The following KCND3 variants were observed in gnomAD, a reference collection of about 807,000 sequenced individuals.
The protein encoded by KCND3 is potassium voltage-gated channel subfamily D member 3, also known as A-type voltage-gated potassium channel KCND3.
Under a neutral mutation model 51.1 loss-of-function variants are expected in KCND3, and 9 were observed. The observed-to-expected ratio is 0.18, with a 90% CI of 0.11 to 0.31. The LOEUF (loss-of-function observed/expected upper bound fraction) is 0.31, where lower values mean the gene tolerates loss of function less well. KCND3 is among the 10% of genes least tolerant of loss of function. The probability of loss-of-function intolerance (pLI) is 1.00; values close to 1 mark genes in which losing one functional copy is unlikely to be tolerated. For missense variants in KCND3, 526 were observed against 903.8 expected (o/e 0.58, Z 5.36); for synonymous variants, 349 against 368.0 (o/e 0.95, Z 0.59).
rs549287287 is a variant in KCND3, at chr1:111,974,047, C to T, written c.1106+7574G>A. Among the ~76,000 whole-genome samples, 13 of 152,314 alleles carry T rather than the reference C, an allele frequency of 8.5e-5. No individual in the cohort carries two copies. In the South Asian group the frequency reaches 2.7e-3, roughly 32 times the overall value. On this transcript the variant is annotated intron_variant, in intron 2 of 7. Coordinates refer to ENST00000302127, the MANE Select transcript of KCND3 (RefSeq NM_001378969.1). ...GAGCTAAATGCAATCTTCCTCCATC[C>T]AGTCATGGTCAGCAAAGGCTCAGCT...
intron 2 of KCND3, among the ~76,000 whole-genome samples, chr1:111,952,898 C>T (rs959071031): frequency 3.3e-5 from 5 of 152,130 alleles, no homozygotes; most frequent in Non-Finnish European, 7.4e-5. Context: ...GAAGACCTTC[C>T]CCCAAGCCAA....
rs1420807078 is a variant in KCND3 at position 111,777,233 on chromosome 1, C to T, written c.1559G>A (p.Cys520Tyr). The T allele has an allele frequency of 9.9e-6, 16 of 1,614,162 alleles. No individual in the cohort carries two copies. The highest frequency in any genetic ancestry group is 1.3e-5 in the Non-Finnish European group (15 of 1,180,034). The change falls in exon 7 of 8, where the codon TGC (cysteine) becomes TAC (tyrosine). Residue 520 changes from cysteine to tyrosine, a missense_variant. Coordinates refer to ENST00000302127, the MANE Select transcript of KCND3 (RefSeq NM_001378969.1). ...GTAGTTCTGCATTGAACTCTCCATG[C>T]AGTTCTGCTCAAACATCTGCTCATC... ...FIDEQMFEQN[C>Y]MESSMQNYPS...
chr1:111,884,646 T>G (rs1669487287), intron 2 of KCND3, among the ~76,000 whole-genome samples: 1 of 152,188 alleles, frequency 6.6e-6, no homozygotes, highest in Non-Finnish European at 1.5e-5. Context: ...CTGGGGACTC[T>G]CCCCATGAGA....
At chr1:111,784,184 A>G (rs1571632253) in intron 3 of KCND3, among the ~76,000 whole-genome samples, 1 of 151,726 alleles carries the variant, frequency 6.6e-6, no homozygotes, top group East Asian at 1.9e-4. Context: ...TAAGATTGGT[A>G]GGTTGTACAA....
At chr1:111,799,865 G>C (rs1370376797) in intron 2 of KCND3, among the ~76,000 whole-genome samples, 6 of 152,236 alleles carry the variant, frequency 3.9e-5, no homozygotes, top group Admixed American at 3.9e-4. Context: ...ACCAGGAAAG[G>C]AGATGTCATC....
At position 111,982,095 on chromosome 1, in the gene KCND3, G is replaced by A. The variant is rs768580111; in HGVS notation, c.632C>T (p.Pro211Leu). 2 of 1,613,658 alleles carry A rather than the reference G, an allele frequency of 1.2e-6. No individual in the cohort carries two copies. Among genetic ancestry groups the A allele is most frequent in the Non-Finnish European group, 1.7e-6 (2 of 1,179,954 alleles). Residue 211 changes from proline (P) to leucine (L), a missense_variant, in exon 2 of 8, where the codon CCG (proline) becomes CTG (leucine). Transcript: ENST00000302127. This position sits in a 1 kb window ranked among gnomAD's most constrained non-coding sequence, Gnocchi z 8.5. ...VVETVPCGTV[P>L]GSKELPCGER... ...CCCGCACGGCAGCTCCTTGCTGCCCGGGACCGTGCCGCACGGCACCGTCTC... is the reference window on the plus strand; with the variant it reads ...CCCGCACGGCAGCTCCTTGCTGCCCAGGACCGTGCCGCACGGCACCGTCTC...
chr1:111,796,686 G>C, intron 2 of KCND3, among the ~76,000 whole-genome samples: 1 of 152,200 alleles, frequency 6.6e-6, no homozygotes, highest in East Asian at 1.9e-4. Context: ...CTTAATACCT[G>C]GGTGACACAA....
At chr1:111,924,778 T>C (rs1671626825) in intron 2 of KCND3, among the ~76,000 whole-genome samples, 1 of 152,236 alleles carries the variant, frequency 6.6e-6, no homozygotes. Flanking sequence ...CATCTGACTC[T>C]TTAATTTCCC....
Position 111,883,759 on chromosome 1 carries a change from T to C in KCND3, c.1107-96653A>G, listed in dbSNP as rs76999347. 4.0e-3 allele frequency among the ~76,000 whole-genome samples: 612 copies of C among 152,334 alleles called. 43 individuals carry two copies. The East Asian group carries it at 0.1, about 25-fold the overall frequency. On this transcript the variant is annotated intron_variant, in intron 2 of 7. Transcript: ENST00000302127. Reference sequence around the variant, plus strand: ...CCACAGTCCTTTGTTTGAGCCTTTATTCAGTGCTTATCAGATTCTGCACGT... The same window carrying C: ...CCACAGTCCTTTGTTTGAGCCTTTACTCAGTGCTTATCAGATTCTGCACGT...
At chr1:111,837,779 GA>G (rs1254980487) in intron 2 of KCND3, among the ~76,000 whole-genome samples, 1 of 152,046 alleles carries the variant, frequency 6.6e-6, no homozygotes, top group African/African-American at 2.4e-5. Flanking sequence ...GCCCCCCCTC[GA>G]AAAACACTAA....
intron 2 of KCND3, among the ~76,000 whole-genome samples, chr1:111,890,658 A>T (rs1049090882): frequency 6.6e-6 from 1 of 152,090 alleles, no homozygotes; most frequent in Admixed American, 6.6e-5. Context: ...CCAGGGAGTG[A>T]GTGTAAATGG....
intron 2 of KCND3, among the ~76,000 whole-genome samples, chr1:111,807,549 G>A (rs949824118): frequency 1.3e-5 from 2 of 152,140 alleles, no homozygotes; most frequent in African/African-American, 4.8e-5. Flanking sequence ...GGTGGCGGGG[G>A]CCTGTAATCC....
At chr1:111,932,167 A>C (rs573251432) in intron 2 of KCND3, among the ~76,000 whole-genome samples, 1 of 152,230 alleles carries the variant, frequency 6.6e-6, no homozygotes, top group African/African-American at 2.4e-5. Flanking sequence ...CACCTGGATA[A>C]CCCAGGAAAC....
chr1:111,866,047 G>T (rs1414707848), intron 2 of KCND3, among the ~76,000 whole-genome samples: 1 of 151,674 alleles, frequency 6.6e-6, no homozygotes, highest in African/African-American at 2.4e-5. Context: ...TTTTCTTTTT[G>T]GGGGCGCAGA....
intron 2 of KCND3, among the ~76,000 whole-genome samples, chr1:111,857,861 A>G (rs552491563): frequency 1.6e-4 from 25 of 151,622 alleles, no homozygotes; most frequent in African/African-American, 6.0e-4. Flanking sequence ...TTTTTTTGCA[A>G]TCTAGAATGA....
intron 2 of KCND3, among the ~76,000 whole-genome samples, chr1:111,822,285 T>C (rs1289601798): frequency 6.6e-6 from 1 of 152,140 alleles, no homozygotes; most frequent in Non-Finnish European, 1.5e-5. Context: ...TACTGTTTGG[T>C]GACATTGTTT....
In KCND3 at chr1:111,848,567, G is replaced by A. The variant is rs148744144; in HGVS notation, c.1107-61461C>T. The stretch of plus-strand genomic sequence containing the variant: ...GCCAAACCTGAAGGCCTCAGAAACC[G>A]TGGACTCCATTCCCTAGGCACTGCA... On this transcript the variant is annotated intron_variant, in intron 2 of 7. Coordinates refer to ENST00000302127, the MANE Select transcript of KCND3 (RefSeq NM_001378969.1). 5.8e-3 allele frequency among the ~76,000 whole-genome samples: 888 copies of A among 152,278 alleles called. 3 individuals carry two copies. The highest frequency in any genetic ancestry group is 9.4e-3 in the Non-Finnish European group (638 of 68,026).
intron 2 of KCND3, among the ~76,000 whole-genome samples, chr1:111,897,768 T>C (rs1670192645): frequency 6.6e-6 from 1 of 152,202 alleles, no homozygotes; most frequent in South Asian, 2.1e-4. Context: ...ATATGTCACA[T>C]GGGGAGAGGG....
intron 2 of KCND3, among the ~76,000 whole-genome samples, chr1:111,955,523 A>G (rs190215033): frequency 6.6e-6 from 1 of 152,280 alleles, no homozygotes; most frequent in Admixed American, 6.5e-5. Context: ...ATGGGGGGCC[A>G]CATTTCTGTT....
Sources: allele counts gnomAD v4.1 joint callset (sites outside exome capture counted in the v4.1 genomes callset), GRCh38; gene constraint gnomAD v4.1.1; non-coding constraint Gnocchi (gnomAD v3.1); transcripts MANE v1.5; gene names NCBI Gene and HGNC (gene_info 2026-07-23, HGNC 2026-07-21).